The following CDH18 variants were observed in gnomAD, a reference collection of about 807,000 sequenced individuals.
CDH18 encodes cadherin 18, also known as cadherin-18.
In CDH18, 31 loss-of-function variants were observed where a neutral mutation model predicts 67.9. That is an observed-to-expected ratio of 0.46 (90% confidence interval 0.34 to 0.62). CDH18 has a LOEUF of 0.62. CDH18 is among the 20% of genes least tolerant of loss of function. The pLI, the probability that CDH18 is intolerant of heterozygous loss-of-function variation, is 0.01. For synonymous variants in CDH18, 362 were observed against 347.2 expected (o/e 1.04, Z -0.48); for missense variants, 890 against 975.5 (o/e 0.91, Z 1.17).
chr5:19,936,041 A>G (rs1317061356), intron 2 of CDH18, among the ~76,000 whole-genome samples: 1 of 151,276 alleles, frequency 6.6e-6, no homozygotes, highest in Non-Finnish European at 1.5e-5. Context: ...CATGTTTAAA[A>G]AATCCATATA....
chr5:20,208,124 G>T (rs1294253349), intron 2 of CDH18, among the ~76,000 whole-genome samples: 1 of 152,090 alleles, frequency 6.6e-6, no homozygotes. Context: ...AGATTTAATT[G>T]ACTCACAGTT....
chr5:19,755,444 TATATATATATATATACACAC>T (rs1220787768), intron 3 of CDH18, among the ~76,000 whole-genome samples: 2 of 18,626 alleles, frequency 1.1e-4, no homozygotes, highest in Non-Finnish European at 2.6e-3. Flanking sequence ...TATATATATA[TATATATATATATATACACAC>T]ACACACACAC....
intron 1 of CDH18, among the ~76,000 whole-genome samples, chr5:20,485,749 A>G (rs964936247): frequency 6.6e-6 from 1 of 152,154 alleles, no homozygotes; most frequent in African/African-American, 2.4e-5. Flanking sequence ...TTATGCTTTC[A>G]GCGAGTAACC....
chr5:19,863,313 T>C (rs1785098632), intron 2 of CDH18, among the ~76,000 whole-genome samples: 1 of 152,118 alleles, frequency 6.6e-6, no homozygotes, highest in Non-Finnish European at 1.5e-5. Flanking sequence ...ATGTCCGTGA[T>C]GTCAAAATAT....
chr5:20,143,050 C>G (rs911139325), intron 2 of CDH18, among the ~76,000 whole-genome samples: 7 of 152,064 alleles, frequency 4.6e-5, no homozygotes, highest in Non-Finnish European at 1.0e-4. Flanking sequence ...TTTGAAAAAG[C>G]CTACATTGCA....
At chr5:20,162,672 G>A (rs183199350) in intron 2 of CDH18, among the ~76,000 whole-genome samples, 14 of 150,974 alleles carry the variant, frequency 9.3e-5, no homozygotes, top group South Asian at 4.2e-4. Flanking sequence ...ACTTGTCAGC[G>A]CTATGCTTGG....
intron 8 of CDH18, among the ~76,000 whole-genome samples, chr5:19,557,353 C>A (rs423318): frequency 0.099 from 15,052 of 151,880 alleles, 1,038 homozygotes; most frequent in African/African-American, 0.19. Flanking sequence ...TGGCAGAGTG[C>A]ATAAAAACTC....
intron 3 of CDH18, among the ~76,000 whole-genome samples, chr5:19,820,112 C>A (rs1009378635): frequency 2.6e-5 from 4 of 152,070 alleles, no homozygotes; most frequent in African/African-American, 7.2e-5. Flanking sequence ...TGGGGATGAG[C>A]CCCTACTCTC....
chr5:20,410,403 T>C (rs1017970750), intron 1 of CDH18, among the ~76,000 whole-genome samples: 4 of 151,838 alleles, frequency 2.6e-5, no homozygotes, highest in South Asian at 2.1e-4. Flanking sequence ...ACCTCATAGA[T>C]GCAAATAAGC....
At chr5:20,351,248 G>T (rs1385008367) in intron 1 of CDH18, among the ~76,000 whole-genome samples, 2 of 116,708 alleles carry the variant, frequency 1.7e-5, no homozygotes, top group African/African-American at 1.1e-4. Flanking sequence ...CTCCATGGGG[G>T]TTGTTTTTTT....
chr5:20,078,911 C>T lies in CDH18; in HGVS notation c.-517-86897G>A, dbSNP rs192391829. On this transcript the variant is annotated intron_variant, in intron 2 of 14. Coordinates refer to the CDH18 transcript ENST00000507958. ...GATTACAGGCGTAAGCCACTGTGCC[C>T]GGCCCCTTTTAGTATAATTTTATTT... 3.4e-3 allele frequency among the ~76,000 whole-genome samples: 515 copies of T among 152,244 alleles called. 2 individuals carry two copies. Among genetic ancestry groups the T allele is most frequent in the Non-Finnish European group, 5.4e-3 (369 of 68,018 alleles).
chr5:20,260,023 A>G (rs1744530336), intron 1 of CDH18, among the ~76,000 whole-genome samples: 1 of 151,998 alleles, frequency 6.6e-6, no homozygotes, highest in Non-Finnish European at 1.5e-5. Flanking sequence ...AAATCTTAGA[A>G]AGTTCAAAAC....
intron 2 of CDH18, among the ~76,000 whole-genome samples, chr5:19,868,711 C>G (rs773044474): frequency 6.6e-6 from 1 of 152,056 alleles, no homozygotes; most frequent in Non-Finnish European, 1.5e-5. Context: ...TAAAATGAAA[C>G]GTATGTTCAT....
At chr5:19,747,270 T>G (rs762011662) in intron 3 of CDH18, 34 bp from the exon 4 acceptor site, 2 of 1,543,082 alleles carry the variant, frequency 1.3e-6, no homozygotes, top group South Asian at 1.2e-5. Flanking sequence ...TTAGCATATA[T>G]TTATATTCCA....
intron 6 of CDH18, among the ~76,000 whole-genome samples, chr5:19,600,621 T>C (rs1351667857): frequency 1.3e-5 from 2 of 151,464 alleles, no homozygotes; most frequent in Non-Finnish European, 2.9e-5. Context: ...AGAAATATAG[T>C]TTTCATGAAG....
At chr5:20,463,169 T>C (rs978332530) in intron 1 of CDH18, among the ~76,000 whole-genome samples, 3 of 149,838 alleles carry the variant, frequency 2.0e-5, no homozygotes, top group Non-Finnish European at 4.5e-5. Flanking sequence ...CATTCAGAAT[T>C]GGGATGTATT....
At chr5:19,844,143 G>A (rs1782659746) in intron 2 of CDH18, among the ~76,000 whole-genome samples, 2 of 152,124 alleles carry the variant, frequency 1.3e-5, no homozygotes, top group Admixed American at 1.3e-4. Flanking sequence ...AGGGACTGTA[G>A]GGAAGGTACA....
chr5:20,458,630 CAAG>C (rs200491095), intron 1 of CDH18, among the ~76,000 whole-genome samples: 80 of 149,500 alleles, frequency 5.4e-4, no homozygotes, highest in African/African-American at 1.9e-3. Flanking sequence ...AAAACAACAA[CAAG>C]AACAACAAAA....
In CDH18 at chr5:19,473,269, A is replaced by G. The variant is rs1487079066; in HGVS notation, c.2330T>C (p.Leu777Ser). 1 of 1,613,706 alleles carries G rather than the reference A, an allele frequency of 6.2e-7. No homozygotes were observed. Among genetic ancestry groups the G allele is most frequent in the East Asian group, 2.2e-5 (1 of 44,856 alleles). ...LGDWGPEFKKLAELYGEIESE... is the reference protein window; with the variant it reads ...LGDWGPEFKKSAELYGEIESE... The stretch of plus-strand genomic sequence containing the variant: ...TTCTATTTCTCCATAGAGTTCAGCT[A>G]ACTTTTTAAACTCGGGTCCCCAGTC... Residue 777 changes from leucine to serine, a missense_variant, in exon 13 of 13, where the codon TTA (leucine) becomes TCA (serine). Around this residue, in one of 2 missense-constraint regions of CDH18, gnomAD observed 656 missense variants for 668.1 expected, o/e 0.98. Transcript: ENST00000382275.
Sources: allele counts gnomAD v4.1 joint callset (sites outside exome capture counted in the v4.1 genomes callset), GRCh38; gene constraint gnomAD v4.1.1; regional missense constraint gnomAD v4.1.1; transcripts MANE v1.5; gene names NCBI Gene and HGNC (gene_info 2026-07-23, HGNC 2026-07-21).